HDAC4: variants seen among roughly 807,000 people sequenced by gnomAD.
HDAC4 encodes the protein histone deacetylase 4.
HDAC4 carries 16 observed loss-of-function variants against 135.1 expected under a neutral mutation model. The ratio of observed to expected loss-of-function variants is 0.12; its 90% confidence interval spans 0.08 to 0.18. The LOEUF is 0.18. HDAC4 is among the 10% of genes least tolerant of loss of function. The probability of loss-of-function intolerance (pLI) is 1.00; values close to 1 mark genes in which losing one functional copy is unlikely to be tolerated. For missense variants in HDAC4, 1,143 were observed against 1,511.8 expected, an observed-to-expected ratio of 0.76 and a Z score of 4.05; for synonymous variants, 685 against 653.4, an observed-to-expected ratio of 1.05 and a Z score of -0.74.
chr2:239,187,366 G>C (rs2044625319), intron 4 of HDAC4, among the ~76,000 whole-genome samples: 2 of 152,200 alleles, frequency 1.3e-5, no homozygotes, highest in Non-Finnish European at 2.9e-5. Flanking sequence ...ATTACTTCTA[G>C]GAGTCATAGA....
intron 1 of HDAC4, among the ~76,000 whole-genome samples, chr2:239,378,309 A>T (rs1695169860): frequency 6.6e-6 from 1 of 152,206 alleles, no homozygotes; most frequent in Non-Finnish European, 1.5e-5. Flanking sequence ...GCACTAAAGC[A>T]GAGTCCAGGA....
chr2:239,275,974 C>T (rs948519937), intron 2 of HDAC4, among the ~76,000 whole-genome samples: 7 of 152,110 alleles, frequency 4.6e-5, no homozygotes, highest in Admixed American at 3.3e-4. Context: ...AGGCACCAGG[C>T]GGTGGTGGAC....
At chr2:239,123,049 T>A (rs1179958831) in intron 12 of HDAC4, among the ~76,000 whole-genome samples, 3 of 152,202 alleles carry the variant, frequency 2.0e-5, no homozygotes, top group African/African-American at 7.2e-5. Context: ...TTCAATCAAC[T>A]GTCATTCACT....
Position 239,054,823 on chromosome 2 carries a change from A to G in HDAC4, c.3014T>C (p.Leu1005Pro), listed in dbSNP as rs540352796. 46 of 1,609,848 alleles carry G rather than the reference A, an allele frequency of 2.9e-5. No homozygotes were observed. In the South Asian group the frequency reaches 4.9e-4, roughly 17 times the overall value. The change falls in exon 25 of 27, where the codon CTC becomes CCC. Residue 1005 changes from leucine to proline, a missense_variant. Transcript: ENST00000543185. ...TCTTTGCTGTAAAACCTTTTCTGGG[A>G]GAGGATCAAGCTGGAAGAAAATGCA... ...SALLGNELDP[L>P]PEKVLQQRPN...
At chr2:239,263,674 GGACA>G (rs2049525032) in intron 2 of HDAC4, among the ~76,000 whole-genome samples, 1 of 152,228 alleles carries the variant, frequency 6.6e-6, no homozygotes, top group Admixed American at 6.5e-5. Context: ...AACAGGGTCA[GGACA>G]GTCAGGAAAG....
intron 13 of HDAC4, 152 bp downstream of exon 13, chr2:239,114,901 C>G (rs1163572961): frequency 3.3e-6 from 3 of 912,496 alleles, no homozygotes; most frequent in African/African-American, 3.3e-5. Flanking sequence ...ACATCAACCT[C>G]CCTCACTGGC....
At chr2:239,397,508 CA>C (rs1696644946) in intron 1 of HDAC4, among the ~76,000 whole-genome samples, 1 of 152,124 alleles carries the variant, frequency 6.6e-6, no homozygotes, top group Admixed American at 6.5e-5. Context: ...ACCTTCCTTC[CA>C]GGAAGTGAGT....
intron 7 of HDAC4, among the ~76,000 whole-genome samples, chr2:239,150,668 C>T (rs2042064651): frequency 6.9e-6 from 1 of 144,762 alleles, no homozygotes; most frequent in Non-Finnish European, 1.5e-5. Flanking sequence ...TCTCACCACA[C>T]TGCACCTCCT....
intron 1 of HDAC4, among the ~76,000 whole-genome samples, chr2:239,380,714 T>C (rs1356675524): frequency 3.3e-5 from 5 of 152,066 alleles, no homozygotes; most frequent in Admixed American, 6.6e-5. Flanking sequence ...CAATTGAAAA[T>C]TTTTTTTATA....
At chr2:239,185,343 G>A (rs2044475748) in intron 4 of HDAC4, among the ~76,000 whole-genome samples, 1 of 151,880 alleles carries the variant, frequency 6.6e-6, no homozygotes, top group Non-Finnish European at 1.5e-5. Context: ...GCCCTATGAA[G>A]GGTGCCCCGT....
At chr2:239,223,179 G>A (rs2047059119) in intron 3 of HDAC4, among the ~76,000 whole-genome samples, 1 of 152,172 alleles carries the variant, frequency 6.6e-6, no homozygotes, top group African/African-American at 2.4e-5. Context: ...CAAACGTTTG[G>A]TTATGTGTTT....
At chr2:239,086,663 G>C (rs921330299) in intron 19 of HDAC4, among the ~76,000 whole-genome samples, 1 of 152,192 alleles carries the variant, frequency 6.6e-6, no homozygotes, top group Non-Finnish European at 1.5e-5. Context: ...GCCCTTTCCC[G>C]GGCCCCTGCG....
chr2:239,095,999 C>T (rs1009025979), intron 16 of HDAC4, among the ~76,000 whole-genome samples: 1 of 152,138 alleles, frequency 6.6e-6, no homozygotes, highest in Non-Finnish European at 1.5e-5. Flanking sequence ...CACTTTCTGG[C>T]CTCAGCTGGG....
In HDAC4 at chr2:239,081,579, T is replaced by C. The variant is rs115245595; in HGVS notation, c.2653-387A>G. ...TGAGCCTGTCATTTCCTACTTCCTC[T>C]AAAAAAATAATATCCAGAGGCAGAC... On this transcript the variant is annotated intron_variant, in intron 21 of 26. Coordinates refer to ENST00000543185, the MANE Select transcript of HDAC4 (RefSeq NM_001378414.1). Among the ~76,000 whole-genome samples, 1,515 of 152,268 alleles carry C rather than the reference T, an allele frequency of 9.9e-3. 8 individuals are homozygous for C. Among genetic ancestry groups the C allele is most frequent in the Middle Eastern group, 0.037 (11 of 294 alleles).
At chr2:239,217,197 G>A (rs1234736018) in intron 3 of HDAC4, among the ~76,000 whole-genome samples, 1 of 152,120 alleles carries the variant, frequency 6.6e-6, no homozygotes, top group African/African-American at 2.4e-5. Context: ...GCGGTAGCAG[G>A]GTCTCCAGGA....
intron 2 of HDAC4, among the ~76,000 whole-genome samples, chr2:239,345,904 C>A (rs901469085): frequency 2.1e-4 from 31 of 148,718 alleles, no homozygotes; most frequent in African/African-American, 6.8e-4. Context: ...ACACACACAC[C>A]CCCATCTCAC....
At chr2:239,163,397 AG>A (rs1457763056) in intron 6 of HDAC4, among the ~76,000 whole-genome samples, 2 of 152,138 alleles carry the variant, frequency 1.3e-5, no homozygotes, top group East Asian at 1.9e-4. Flanking sequence ...GTCCCTCTGC[AG>A]GGGGGCCCAC....
intron 11 of HDAC4, among the ~76,000 whole-genome samples, chr2:239,131,370 G>T (rs2040571954): frequency 6.6e-6 from 1 of 152,182 alleles, no homozygotes; most frequent in East Asian, 1.9e-4. Flanking sequence ...AGGTGGGTCT[G>T]TCTGTGGGCC....
intron 2 of HDAC4, among the ~76,000 whole-genome samples, chr2:239,333,352 ACT>A (rs1181756882): frequency 6.6e-6 from 1 of 152,176 alleles, no homozygotes; most frequent in African/African-American, 2.4e-5. Context: ...GTCTTTACTG[ACT>A]CTCTACAGAA....
Sources: allele counts gnomAD v4.1 joint callset (sites outside exome capture counted in the v4.1 genomes callset), GRCh38; gene constraint gnomAD v4.1.1; transcripts MANE v1.5; gene names NCBI Gene and HGNC (gene_info 2026-07-23, HGNC 2026-07-21).